The following DPP6 variants were observed in gnomAD, a reference collection of about 807,000 sequenced individuals.
DPP6 encodes the protein dipeptidyl peptidase like 6, also known as A-type potassium channel modulatory protein DPP6.
In DPP6, 69 loss-of-function variants were observed where a neutral mutation model predicts 122.6. The observed-to-expected ratio is 0.56, with a 90% CI of 0.46 to 0.69. DPP6 has a LOEUF of 0.69. Among genes scored for constraint, DPP6 ranks in the 30% least tolerant of loss-of-function variants. The pLI is 0.00. For synonymous variants in DPP6, 418 were observed against 433.1 expected (o/e 0.97, Z 0.43); for missense variants, 928 against 1,116.9 (o/e 0.83, Z 2.41).
chr7:153,800,184 C>A, the DPP6 span, among the ~76,000 whole-genome samples: 4 of 152,088 alleles, frequency 2.6e-5, no homozygotes, highest in African/African-American at 9.7e-5. Context: ...TGTCCATCAA[C>A]AAATGAATGG....
Position 154,446,206 on chromosome 7 carries a change from G to GTT in DPP6, c.244-4_244-3dup. On this transcript the variant is annotated splice_polypyrimidine_tract_variant and splice_region_variant and intron_variant, in intron 1 of 25. Coordinates refer to ENST00000377770, the MANE Select transcript of DPP6 (RefSeq NM_130797.4). Reference sequence around the variant, plus strand: ...CACTGGGGTTTTCTTTGTTGTTGCTGTTTTTAGGAGCTGGTGGGGAGTAAC... The same window carrying GTT: ...CACTGGGGTTTTCTTTGTTGTTGCTGTTTTTTTAGGAGCTGGTGGGGAGTAAC... 1 of 1,580,028 alleles carries GTT rather than the reference G, an allele frequency of 6.3e-7. No homozygotes were observed. The highest frequency in any genetic ancestry group is 8.6e-7 in the Non-Finnish European group (1 of 1,161,180).
chr7:153,951,361 A>G (rs992577837), intron 1 of DPP6, among the ~76,000 whole-genome samples: 1 of 152,164 alleles, frequency 6.6e-6, no homozygotes, highest in Non-Finnish European at 1.5e-5. Context: ...GTTTCAGCTG[A>G]GATTCCAGCG....
rs920355922 is a variant in DPP6 at position 154,444,609 on chromosome 7, C to T, written c.244-1605C>T. The stretch of plus-strand genomic sequence containing the variant: ...TTTCCTTGGAATTTCATCTTAACAG[C>T]GTTTGAGGAATGTCAACTGGGCTGT... On this transcript the variant is annotated intron_variant, in intron 1 of 25. Transcript: ENST00000377770. Among the ~76,000 whole-genome samples, 13 of 152,130 alleles carry T rather than the reference C, an allele frequency of 8.5e-5. No individual in the cohort carries two copies. In the East Asian group the frequency reaches 1.5e-3, roughly 18 times the overall value.
At chr7:154,636,246 T>C (rs905310173) in intron 5 of DPP6, among the ~76,000 whole-genome samples, 6 of 152,212 alleles carry the variant, frequency 3.9e-5, no homozygotes, top group African/African-American at 1.4e-4. Flanking sequence ...CAGCTCTGTC[T>C]AGCTTCCTGC....
At chr7:154,535,237 C>A (rs763005808) in intron 3 of DPP6, among the ~76,000 whole-genome samples, 1 of 151,858 alleles carries the variant, frequency 6.6e-6, no homozygotes, top group Non-Finnish European at 1.5e-5. Context: ...TGATCGTAGA[C>A]CCTAAATGAA....
the DPP6 span, among the ~76,000 whole-genome samples, chr7:153,770,024 A>G: frequency 1.3e-5 from 2 of 152,170 alleles, no homozygotes; most frequent in Non-Finnish European, 1.5e-5. Context: ...AGGCATTCAC[A>G]GGGAAGCCTG....
At chr7:154,885,869 C>T in intron 22 of DPP6, 125 bp downstream of exon 22, 1 of 1,298,848 alleles carries the variant, frequency 7.7e-7, no homozygotes, top group Non-Finnish European at 1.1e-6. Context: ...CTCCAGGCCA[C>T]AGTCACCACC....
chr7:154,865,463 C>G (rs1803780624), intron 17 of DPP6: 1 of 152,212 alleles, frequency 6.6e-6, no homozygotes, highest in Non-Finnish European at 1.5e-5. Context: ...GATGAACTGC[C>G]TCATAGTCCC....
intron 6 of DPP6, among the ~76,000 whole-genome samples, chr7:154,656,100 T>C (rs2131016677): frequency 6.7e-6 from 1 of 150,126 alleles, no homozygotes; most frequent in East Asian, 2.0e-4. Context: ...GGGGCTGCGG[T>C]CACGCCCAGG....
At chr7:154,658,942 C>A (rs1041680889) in intron 6 of DPP6, among the ~76,000 whole-genome samples, 1 of 152,128 alleles carries the variant, frequency 6.6e-6, no homozygotes, top group African/African-American at 2.4e-5. Flanking sequence ...GTTGGGCATT[C>A]GCTAGTCTGG....
intron 5 of DPP6, among the ~76,000 whole-genome samples, chr7:154,595,452 A>T (rs1246434291): frequency 1.3e-5 from 2 of 152,130 alleles, no homozygotes; most frequent in African/African-American, 2.4e-5. Context: ...TAGACCATGG[A>T]TGAAAGACCG....
At chr7:154,432,485 T>C (rs1818505567) in intron 1 of DPP6, among the ~76,000 whole-genome samples, 1 of 152,178 alleles carries the variant, frequency 6.6e-6, no homozygotes. Flanking sequence ...AGCCTTTTAA[T>C]AGAGAGATTC....
At chr7:154,173,894 C>A (rs934388467) in intron 1 of DPP6, among the ~76,000 whole-genome samples, 9 of 152,160 alleles carry the variant, frequency 5.9e-5, no homozygotes, top group Non-Finnish European at 8.8e-5. Context: ...GACCCTGACA[C>A]CCACCTTAGC....
chr7:154,159,547 A>C (rs907000351), intron 1 of DPP6, among the ~76,000 whole-genome samples: 15 of 152,264 alleles, frequency 9.9e-5, no homozygotes, highest in African/African-American at 3.6e-4. Flanking sequence ...ACTTAAATCA[A>C]AAGGTAATAT....
chr7:154,278,966 T>C (rs1563407056), intron 1 of DPP6, among the ~76,000 whole-genome samples: 1 of 152,206 alleles, frequency 6.6e-6, no homozygotes, highest in South Asian at 2.1e-4. Flanking sequence ...TATGGGCATG[T>C]GTGTGTATAT....
At chr7:154,846,216 A>C (rs569782509) in intron 16 of DPP6, among the ~76,000 whole-genome samples, 8 of 150,318 alleles carry the variant, frequency 5.3e-5, no homozygotes, top group Middle Eastern at 3.6e-3. Context: ...TATATAAATA[A>C]ATTATATGTA....
the DPP6 span, among the ~76,000 whole-genome samples, chr7:153,813,233 G>A: frequency 3.4e-5 from 5 of 145,956 alleles, no homozygotes; most frequent in East Asian, 2.0e-4. Flanking sequence ...GTGTCCATGC[G>A]TTCTCATTGT....
At chr7:154,367,086 C>T (rs1425330882) in intron 1 of DPP6, among the ~76,000 whole-genome samples, 1 of 152,052 alleles carries the variant, frequency 6.6e-6, no homozygotes, top group African/African-American at 2.4e-5. Context: ...CTTTCCATGT[C>T]CCATTGGAGT....
chr7:154,126,466 A>G (rs1807894288), intron 1 of DPP6, among the ~76,000 whole-genome samples: 1 of 151,850 alleles, frequency 6.6e-6, no homozygotes, highest in Non-Finnish European at 1.5e-5. Flanking sequence ...GTCATTTGCT[A>G]GGAACAATTT....
Sources: allele counts gnomAD v4.1 joint callset (sites outside exome capture counted in the v4.1 genomes callset), GRCh38; gene constraint gnomAD v4.1.1; transcripts MANE v1.5; gene names NCBI Gene and HGNC (gene_info 2026-07-23, HGNC 2026-07-21).